ADGRL3: variants seen among roughly 807,000 people sequenced by gnomAD.
ADGRL3 encodes the protein calcium-independent alpha-latrotoxin receptor 3.
Under a neutral mutation model 153.5 loss-of-function variants are expected in ADGRL3, and 62 were observed. The observed-to-expected ratio is 0.40, with a 90% CI of 0.33 to 0.50. The LOEUF (loss-of-function observed/expected upper bound fraction) is 0.50. ADGRL3 is among the 20% of genes least tolerant of loss of function. The pLI, the probability that ADGRL3 is intolerant of heterozygous loss-of-function variation, is 0.47. For synonymous variants in ADGRL3, 710 were observed against 672.5 expected, an observed-to-expected ratio of 1.06 and a Z score of -0.86; for missense variants, 1,641 against 1,859.4, an observed-to-expected ratio of 0.88 and a Z score of 2.16.
intron 2 of ADGRL3, among the ~76,000 whole-genome samples, chr4:61,452,126 C>T (rs1315522821): frequency 6.6e-6 from 1 of 152,138 alleles, no homozygotes; most frequent in Non-Finnish European, 1.5e-5. Flanking sequence ...ATGAATGTCC[C>T]TCAATCAAGG....
chr4:61,219,188 T>A (rs892117435), intron 1 of ADGRL3, among the ~76,000 whole-genome samples: 1 of 152,216 alleles, frequency 6.6e-6, no homozygotes, highest in African/African-American at 2.4e-5. Context: ...CTAATTAGAT[T>A]ATAAGGATAT....
intron 2 of ADGRL3, among the ~76,000 whole-genome samples, chr4:61,472,860 T>C (rs2097980012): frequency 6.6e-6 from 1 of 152,114 alleles, no homozygotes; most frequent in African/African-American, 2.4e-5. Flanking sequence ...AGCTTTCTCA[T>C]ATGTAAAGTG....
Position 61,741,858 on chromosome 4 carries a change from C to T in ADGRL3, c.1399+8304C>T, listed in dbSNP as rs911008449. ...AAACGCTCTAACGTTAGTTGTGTTTCTACAGAATGATGTCCCTGATAAATG... is the reference window on the plus strand; with the variant it reads ...AAACGCTCTAACGTTAGTTGTGTTTTTACAGAATGATGTCCCTGATAAATG... On this transcript the variant is annotated intron_variant, in intron 8 of 26. Coordinates refer to ENST00000683033, the MANE Select transcript of ADGRL3 (RefSeq NM_001387552.1). Among the ~76,000 whole-genome samples the T allele has an allele frequency of 2.6e-5, 4 of 152,234 alleles. No homozygotes were observed. The East Asian group carries it at 7.7e-4, about 29-fold the overall frequency.
At chr4:61,730,359 GT>G (rs553201197) in intron 6 of ADGRL3, among the ~76,000 whole-genome samples, 25 of 151,824 alleles carry the variant, frequency 1.6e-4, no homozygotes, top group Non-Finnish European at 3.2e-4. Context: ...TTGGAATGGT[GT>G]GTTTATTTAA....
intron 6 of ADGRL3, among the ~76,000 whole-genome samples, chr4:61,712,966 G>A (rs763724451): frequency 2.0e-5 from 3 of 152,036 alleles, no homozygotes; most frequent in Non-Finnish European, 2.9e-5. Context: ...CAAACATGGG[G>A]GTATGAGTGG....
chr4:61,967,307 A>G (rs370110019), intron 17 of ADGRL3, among the ~76,000 whole-genome samples: 2 of 152,154 alleles, frequency 1.3e-5, no homozygotes, highest in Non-Finnish European at 2.9e-5. Context: ...AATTAAACAT[A>G]TATTACCTTT....
At chr4:61,473,780 T>A (rs1378992530) in intron 2 of ADGRL3, among the ~76,000 whole-genome samples, 1 of 152,122 alleles carries the variant, frequency 6.6e-6, no homozygotes, top group Non-Finnish European at 1.5e-5. Flanking sequence ...CATTGTGGAA[T>A]CTTAATCATT....
At chr4:61,688,937 A>G (rs1281636838) in intron 6 of ADGRL3, among the ~76,000 whole-genome samples, 4 of 152,144 alleles carry the variant, frequency 2.6e-5, no homozygotes, top group African/African-American at 9.6e-5. Flanking sequence ...AATACATCAG[A>G]CAAATTTTCT....
chr4:61,625,471 A>G (rs1345179137), intron 5 of ADGRL3, among the ~76,000 whole-genome samples: 2 of 152,110 alleles, frequency 1.3e-5, no homozygotes, highest in East Asian at 1.9e-4. Context: ...CATTCATACC[A>G]ACATGAATTG....
chr4:61,995,337 T>G (rs1002697725), intron 19 of ADGRL3, among the ~76,000 whole-genome samples: 2 of 152,132 alleles, frequency 1.3e-5, no homozygotes, highest in African/African-American at 4.8e-5. Flanking sequence ...ATTTCTAATT[T>G]CCCTTCTTAA....
intron 1 of ADGRL3, among the ~76,000 whole-genome samples, chr4:61,216,333 T>A (rs1452786188): frequency 6.6e-6 from 1 of 152,134 alleles, no homozygotes; most frequent in Non-Finnish European, 1.5e-5. Flanking sequence ...TCCTAATAAA[T>A]GATTTTAGGA....
At chr4:61,999,386 T>A (rs2151077338) in intron 21 of ADGRL3, among the ~76,000 whole-genome samples, 1 of 152,366 alleles carries the variant, frequency 6.6e-6, no homozygotes, top group South Asian at 2.1e-4. Context: ...GAAAAATAGT[T>A]GCAGTCCTTG....
At chr4:61,849,317 T>A (rs1018203789) in intron 9 of ADGRL3, among the ~76,000 whole-genome samples, 3 of 152,136 alleles carry the variant, frequency 2.0e-5, no homozygotes, top group South Asian at 2.1e-4. Context: ...AGTCCAATGA[T>A]TTTTAGCAGT....
chr4:61,907,648 T>C (rs972107236), intron 11 of ADGRL3, among the ~76,000 whole-genome samples: 14 of 151,182 alleles, frequency 9.3e-5, no homozygotes, highest in African/African-American at 3.4e-4. Flanking sequence ...ATGATATATA[T>C]ATATATGATA....
intron 13 of ADGRL3, among the ~76,000 whole-genome samples, chr4:61,932,466 T>C (rs530647494): frequency 5.2e-4 from 79 of 152,316 alleles, no homozygotes; most frequent in Non-Finnish European, 9.4e-4. Context: ...GTTAATGTGG[T>C]GTATCACATT....
intron 9 of ADGRL3, among the ~76,000 whole-genome samples, chr4:61,857,603 G>GTGTTGGACAAC: frequency 6.6e-6 from 1 of 151,814 alleles, no homozygotes; most frequent in South Asian, 2.1e-4. Flanking sequence ...GCCGAGAAAG[G>GTGTTGGACAAC]TGTTGGACAA....
chr4:61,920,227 CTATTTCTT>C (rs2098762416), intron 13 of ADGRL3, among the ~76,000 whole-genome samples: 1 of 152,072 alleles, frequency 6.6e-6, no homozygotes. Flanking sequence ...ATTTACTTTT[CTATTTCTT>C]TAATAGCTTG....
At chr4:62,018,339 T>C (rs2099222812) in intron 21 of ADGRL3, among the ~76,000 whole-genome samples, 1 of 152,038 alleles carries the variant, frequency 6.6e-6, no homozygotes, top group South Asian at 2.1e-4. Context: ...TCTTATTGAG[T>C]AGATCAGTTA....
chr4:62,040,253 C>A (rs1420977690), intron 24 of ADGRL3, among the ~76,000 whole-genome samples: 1 of 151,936 alleles, frequency 6.6e-6, no homozygotes, highest in Non-Finnish European at 1.5e-5. Flanking sequence ...GTTGTTATTA[C>A]AGAATATTAT....
Sources: gnomAD v4.1 joint callset for allele counts (sites outside exome capture counted in the v4.1 genomes callset) on GRCh38, gnomAD v4.1.1 for gene constraint, MANE v1.5 for transcripts, NCBI Gene and HGNC (gene_info 2026-07-23, HGNC 2026-07-21) for gene names.